PHF24: variants seen among roughly 807,000 people sequenced by gnomAD.
PHF24 encodes the protein Galpha inhibitory interacting protein.
A neutral mutation model predicts 42.6 loss-of-function variants in PHF24; 25 were observed. The observed-to-expected ratio is 0.59, with a 90% CI of 0.43 to 0.82. PHF24 has a LOEUF of 0.82. Ranked by LOEUF, PHF24 falls within the 40% of genes least tolerant of loss-of-function variation. The probability of loss-of-function intolerance (pLI) is 0.00; values close to 1 mark genes in which losing one functional copy is unlikely to be tolerated. For synonymous variants in PHF24, 185 were observed against 204.8 expected (o/e 0.90, Z 0.83); for missense variants, 470 against 538.1 (o/e 0.87, Z 1.25).
At chr9:34,827,231 G>C in the PHF24 span, among the ~76,000 whole-genome samples, 1 of 152,098 alleles carries the variant, frequency 6.6e-6, no homozygotes, top group African/African-American at 2.4e-5. Context: ...CTTCATTCTG[G>C]GCTTCCCTCT....
chr9:34,872,656 G>T, the PHF24 span, among the ~76,000 whole-genome samples: 1 of 127,724 alleles, frequency 7.8e-6, no homozygotes, highest in Non-Finnish European at 1.7e-5. Context: ...GAATAATGCC[G>T]CAATAAACAT....
the PHF24 span, among the ~76,000 whole-genome samples, chr9:34,944,735 G>C: frequency 6.6e-6 from 1 of 152,030 alleles, no homozygotes; most frequent in East Asian, 1.9e-4. Context: ...GATTAGCCAG[G>C]CATGGTGGCA....
chr9:34,832,904 T>A, the PHF24 span: 12 of 1,551,716 alleles, frequency 7.7e-6, no homozygotes, highest in African/African-American at 1.4e-5. Context: ...CTTCTCAGAC[T>A]CTTTCTCCCC....
At chr9:34,901,172 T>C in the PHF24 span, among the ~76,000 whole-genome samples, 499 of 152,296 alleles carry the variant, frequency 3.3e-3, 3 homozygotes, top group African/African-American at 0.011. Context: ...AATATTTGAG[T>C]ATGAAATAAT....
chr9:34,813,599 T>A, the PHF24 span, among the ~76,000 whole-genome samples: 1 of 152,218 alleles, frequency 6.6e-6, no homozygotes, highest in Non-Finnish European at 1.5e-5. Flanking sequence ...AGACCTTGGC[T>A]TCTTGCTGGA....
the PHF24 span, among the ~76,000 whole-genome samples, chr9:34,844,874 T>C: frequency 1.3e-5 from 2 of 152,308 alleles, no homozygotes; most frequent in South Asian, 4.1e-4. Flanking sequence ...AATGTTTCCT[T>C]ATTGATTTTC....
the PHF24 span, chr9:34,834,961 A>G: frequency 2.1e-6 from 3 of 1,452,006 alleles, no homozygotes; most frequent in South Asian, 2.6e-5. Context: ...ATCCCATGAA[A>G]GTGGCAACCA....
chr9:34,754,301 G>C, the PHF24 span, among the ~76,000 whole-genome samples: 45 of 152,014 alleles, frequency 3.0e-4, no homozygotes, highest in African/African-American at 1.1e-3. Flanking sequence ...CAAGAGCTCT[G>C]GAATATATTA....
the PHF24 span, among the ~76,000 whole-genome samples, chr9:34,738,030 CAG>C: frequency 0.38 from 58,027 of 150,976 alleles, 13,135 homozygotes; most frequent in East Asian, 0.6. Context: ...GAAGATTATG[CAG>C]AGAGACTACA....
the PHF24 span, chr9:34,889,330 C>G: frequency 1.5e-5 from 6 of 398,552 alleles, no homozygotes; most frequent in South Asian, 5.1e-4. Context: ...CCAGGATTGG[C>G]TGGACTGAAG....
the PHF24 span, among the ~76,000 whole-genome samples, chr9:34,765,493 G>A: frequency 4.0e-5 from 6 of 149,976 alleles, no homozygotes; most frequent in South Asian, 6.5e-4. Context: ...TTGGTTTAAA[G>A]TCTGTTTTAT....
chr9:34,666,144 C>T, the PHF24 span: 1 of 170,754 alleles, frequency 5.9e-6, no homozygotes, highest in Non-Finnish European at 1.3e-5. Flanking sequence ...GAGGCGGAGT[C>T]GAAACGTCAT....
the PHF24 span, among the ~76,000 whole-genome samples, chr9:34,740,916 A>C: frequency 6.7e-6 from 1 of 149,076 alleles, no homozygotes. Flanking sequence ...ATGGAGTTCC[A>C]CTCTTGTCGC....
At chr9:34,971,350 A>G in exon 2 of PHF24, 1 of 1,613,500 alleles carries the variant, frequency 6.2e-7, no homozygotes. Flanking sequence ...GCAGAAGGTG[A>G]GTCTGGCTGT....
the PHF24 span, among the ~76,000 whole-genome samples, chr9:34,862,896 G>A: frequency 7.9e-5 from 12 of 151,926 alleles, no homozygotes. Flanking sequence ...GACCTGCCCT[G>A]GGCCAGAAGG....
the PHF24 span, among the ~76,000 whole-genome samples, chr9:34,809,197 G>A: frequency 2.0e-5 from 3 of 151,848 alleles, no homozygotes. This position sits in a 1 kb window ranked among gnomAD's most constrained non-coding sequence, Gnocchi z 4.1. Flanking sequence ...TTACGGTATA[G>A]AAATTGAATT....
At chr9:34,915,191 C>T in the PHF24 span, among the ~76,000 whole-genome samples, 3 of 151,872 alleles carry the variant, frequency 2.0e-5, no homozygotes, top group Non-Finnish European at 4.4e-5. Context: ...TACCACCATG[C>T]CCTGCTAAAT....
the PHF24 span, among the ~76,000 whole-genome samples, chr9:34,907,749 GT>G: frequency 2.6e-5 from 4 of 151,654 alleles, no homozygotes; most frequent in South Asian, 2.1e-4. Flanking sequence ...TCTTTGTTTA[GT>G]TTTTTTTCCC....
At chr9:34,946,312 C>T in the PHF24 span, among the ~76,000 whole-genome samples, 2 of 152,164 alleles carry the variant, frequency 1.3e-5, no homozygotes, top group Non-Finnish European at 2.9e-5. Context: ...TAGAAGCTAC[C>T]TCCTTAATGT....
Sources: gnomAD v4.1 joint callset for allele counts (sites outside exome capture counted in the v4.1 genomes callset) on GRCh38, gnomAD v4.1.1 for gene constraint, Gnocchi (gnomAD v3.1) non-coding constraint, MANE v1.5 for transcripts, NCBI Gene and HGNC (gene_info 2026-07-23, HGNC 2026-07-21) for gene names.